PCDH17: variants seen among roughly 807,000 people sequenced by gnomAD.
The protein encoded by PCDH17 is protocadherin 17.
In PCDH17, 21 loss-of-function variants were observed where a neutral mutation model predicts 67.7. The ratio of observed to expected loss-of-function variants is 0.31; its 90% CI spans 0.22 to 0.45. The LOEUF (loss-of-function observed/expected upper bound fraction) is 0.45, where lower values mean the gene tolerates loss of function less well. Among genes scored for constraint, PCDH17 ranks in the 20% least tolerant of loss-of-function variants. The pLI is 1.00. For synonymous variants in PCDH17, 701 were observed against 656.7 expected (o/e 1.07, Z -1.03); for missense variants, 1,471 against 1,564.8 (o/e 0.94, Z 1.01).
At chr13:57,681,840 A>T (rs1955453110) in intron 3 of PCDH17, among the ~76,000 whole-genome samples, 1 of 151,724 alleles carries the variant, frequency 6.6e-6, no homozygotes, top group Admixed American at 6.6e-5. Context: ...TATTTTTTAA[A>T]TGTTGTATTT....
At chr13:57,660,882 G>A (rs1242303158) in intron 1 of PCDH17, among the ~76,000 whole-genome samples, 5 of 152,102 alleles carry the variant, frequency 3.3e-5, no homozygotes, top group Non-Finnish European at 7.4e-5. Flanking sequence ...TTGCTAAATG[G>A]TATTTTATTA....
intron 3 of PCDH17, among the ~76,000 whole-genome samples, chr13:57,674,098 AAAGCCTCCTAAC>A (rs1955358085): frequency 6.6e-6 from 1 of 151,968 alleles, no homozygotes; most frequent in African/African-American, 2.4e-5. Flanking sequence ...TGCACATTGT[AAAGCCTCCTAAC>A]AAGTGTTGCA....
At chr13:57,666,562 A>C (rs765792360) in intron 2 of PCDH17, 36 bp downstream of exon 2, 7 of 1,610,066 alleles carry the variant, frequency 4.3e-6, no homozygotes, top group Non-Finnish European at 5.9e-6. Context: ...CAGCTTCCCC[A>C]TTTGCATTCG....
chr13:57,632,858 G>C lies in PCDH17; in HGVS notation c.312G>C (p.Leu104=), dbSNP rs773485614. 2 of 1,613,998 alleles carry C rather than the reference G, an allele frequency of 1.2e-6. No homozygotes were observed. The highest frequency in any genetic ancestry group is 8.5e-7 in the Non-Finnish European group (1 of 1,180,026). Residue 104 remains leucine, a synonymous_variant, in exon 1 of 4, where the codon CTG becomes CTC. Coordinates refer to ENST00000377918, the MANE Select transcript of PCDH17 (RefSeq NM_001040429.3). ...GCCGCCACAATGCCAAGTGCCAGCT[G>C]TCCCTCGAGGTGTTCGCCAACGACA... is the stretch of plus-strand genomic sequence containing the variant. ...SLCRHNAKCQ[L]SLEVFANDKE...
At chr13:57,670,160 T>G (rs1387058724) in intron 3 of PCDH17, among the ~76,000 whole-genome samples, 2 of 152,070 alleles carry the variant, frequency 1.3e-5, no homozygotes, top group South Asian at 4.1e-4. Flanking sequence ...ACGTAATGAG[T>G]AGTTTACTCA....
At chr13:57,656,240 A>T (rs1278019801) in intron 1 of PCDH17, among the ~76,000 whole-genome samples, 1 of 152,200 alleles carries the variant, frequency 6.6e-6, no homozygotes, top group Non-Finnish European at 1.5e-5. Flanking sequence ...ATAAACATGC[A>T]TTTAGACTCA....
At chr13:57,651,049 A>G (rs1955030938) in intron 1 of PCDH17, among the ~76,000 whole-genome samples, 1 of 152,156 alleles carries the variant, frequency 6.6e-6, no homozygotes, top group Non-Finnish European at 1.5e-5. Flanking sequence ...CTAAAATATG[A>G]AAGAGGATGG....
chr13:57,630,562 T>TA (rs890164003), upstream of PCDH17, among the ~76,000 whole-genome samples: 13 of 151,904 alleles, frequency 8.6e-5, no homozygotes, highest in East Asian at 3.9e-4. Flanking sequence ...AGGAAAGGTT[T>TA]AAAAAAAATA....
intron 1 of PCDH17, among the ~76,000 whole-genome samples, chr13:57,659,698 G>A (rs1323108532): frequency 6.6e-6 from 1 of 152,032 alleles, no homozygotes; most frequent in East Asian, 1.9e-4. Flanking sequence ...TTTTTACAAA[G>A]TATGGTGTTA....
intron 1 of PCDH17, among the ~76,000 whole-genome samples, chr13:57,650,203 T>C (rs938032864): frequency 2.7e-5 from 4 of 146,738 alleles, no homozygotes; most frequent in African/African-American, 1.0e-4. Flanking sequence ...ATATTTGAGA[T>C]TTCTGGACCC....
chr13:57,646,919 A>G (rs1054812576), intron 1 of PCDH17, among the ~76,000 whole-genome samples: 1 of 151,804 alleles, frequency 6.6e-6, no homozygotes, highest in African/African-American at 2.4e-5. Context: ...ATCCAGGGGG[A>G]TGTCAAAATA....
chr13:57,715,153 A>G lies in PCDH17; in HGVS notation c.2798-9459A>G, dbSNP rs575018641. On this transcript the variant is annotated intron_variant, in intron 3 of 3. Transcript: ENST00000377918. ...TTTCTATATAAACATTGTTTTTAACAGACATCTGATATTACTGTAAACAAT... is the reference window on the plus strand; with the variant it reads ...TTTCTATATAAACATTGTTTTTAACGGACATCTGATATTACTGTAAACAAT... Among the ~76,000 whole-genome samples, 71 of 151,960 alleles carry G rather than the reference A, an allele frequency of 4.7e-4. 2 individuals carry two copies. The East Asian group carries it at 0.013, about 29-fold the overall frequency.
At chr13:57,679,168 A>T (rs932762573) in intron 3 of PCDH17, among the ~76,000 whole-genome samples, 13 of 151,608 alleles carry the variant, frequency 8.6e-5, no homozygotes, top group Non-Finnish European at 1.6e-4. Flanking sequence ...ATTATGAATA[A>T]GGAATATGCA....
intron 1 of PCDH17, among the ~76,000 whole-genome samples, chr13:57,656,642 T>C (rs1227297501): frequency 1.3e-5 from 2 of 151,948 alleles, no homozygotes; most frequent in Non-Finnish European, 2.9e-5. Context: ...TTAACAGAGA[T>C]GGAAAAAGAG....
chr13:57,651,878 T>G (rs2138001268), intron 1 of PCDH17, among the ~76,000 whole-genome samples: 2 of 152,298 alleles, frequency 1.3e-5, no homozygotes, highest in Admixed American at 1.3e-4. Context: ...TAAAACATTC[T>G]GGTGCAGTTA....
chr13:57,664,850 C>T (rs1352815189), intron 1 of PCDH17, among the ~76,000 whole-genome samples: 1 of 152,024 alleles, frequency 6.6e-6, no homozygotes, highest in Non-Finnish European at 1.5e-5. Context: ...ACATTTTTGC[C>T]ACTGGTGTTG....
intron 3 of PCDH17, among the ~76,000 whole-genome samples, chr13:57,721,486 G>A (rs9569730): frequency 6.6e-6 from 1 of 151,796 alleles, no homozygotes; most frequent in Non-Finnish European, 1.5e-5. Flanking sequence ...TTAAAGTACA[G>A]AGAGCAGTTT....
rs1267132984 is a variant in PCDH17, at chr13:57,728,845, TAA to T, written c.*3556_*3557del. 6.6e-6 allele frequency: 1 copy of T among 152,228 alleles called. No individual in the cohort carries two copies. Among genetic ancestry groups the T allele is most frequent in the Admixed American group, 6.6e-5 (1 of 15,248 alleles). The allele number at this position is 152,228 out of a possible 1,614,324, so 9.4% of individuals were successfully genotyped here. A position where few individuals can be genotyped will look rare whatever the true frequency, so the allele number is the denominator to read the frequency against. ...TTGTTCAATTTAAAATATGGCACCA[TAA>T]AAAAGTCATGTAGTAATAGAGCATA... On this transcript the variant is annotated 3_prime_UTR_variant, in exon 4 of 4. Coordinates refer to ENST00000377918, the MANE Select transcript of PCDH17 (RefSeq NM_001040429.3).
chr13:57,721,600 A>G (rs1955872432), intron 3 of PCDH17, among the ~76,000 whole-genome samples: 1 of 152,142 alleles, frequency 6.6e-6, no homozygotes, highest in African/African-American at 2.4e-5. Flanking sequence ...GTGCAATAGA[A>G]GGTACACGTG....
Sources: allele counts gnomAD v4.1 joint callset (sites outside exome capture counted in the v4.1 genomes callset), GRCh38; gene constraint gnomAD v4.1.1; transcripts MANE v1.5; gene names NCBI Gene and HGNC (gene_info 2026-07-23, HGNC 2026-07-21).